The following MGAT4C variants were observed in gnomAD, a reference collection of about 807,000 sequenced individuals.
The protein encoded by MGAT4C is MGAT4 family member C.
A neutral mutation model predicts 40.1 loss-of-function variants in MGAT4C; 19 were observed. The observed-to-expected ratio is 0.47, with a 90% CI of 0.33 to 0.70. MGAT4C has a LOEUF of 0.70. MGAT4C is among the 30% of genes least tolerant of loss of function. The probability of loss-of-function intolerance (pLI) is 0.02; values close to 1 mark genes in which losing one functional copy is unlikely to be tolerated. For missense variants in MGAT4C, 491 were observed against 563.2 expected (o/e 0.87, Z 1.30); for synonymous variants, 181 against 187.1 (o/e 0.97, Z 0.27).
At chr12:86,307,763 C>G (rs1953974331) in intron 4 of MGAT4C, among the ~76,000 whole-genome samples, 1 of 150,044 alleles carries the variant, frequency 6.7e-6, no homozygotes, top group Admixed American at 6.6e-5. Flanking sequence ...AGTGCAGTGG[C>G]GCGATCTCGG....
At chr12:86,329,949 T>C (rs1208683065) in intron 4 of MGAT4C, among the ~76,000 whole-genome samples, 1 of 152,198 alleles carries the variant, frequency 6.6e-6, no homozygotes, top group Non-Finnish European at 1.5e-5. Context: ...TGTGTTTCTT[T>C]AAACTATTTC....
chr12:85,985,596 C>T (rs547704379), intron 3 of MGAT4C, among the ~76,000 whole-genome samples: 26 of 151,962 alleles, frequency 1.7e-4, no homozygotes, highest in Non-Finnish European at 3.1e-4. Context: ...GTGGCTTTTA[C>T]ACAATGCCAT....
rs1021530760 is a variant in MGAT4C at position 86,302,451 on chromosome 12, C to T, written c.-57+31614G>A. ...GTTTGGTTTGGTTTGGTTTTCGAGA[C>T]GGAGTCTCATTCTGTTGCCCATGCT... On this transcript the variant is annotated intron_variant, in intron 4 of 7. Coordinates refer to the MGAT4C transcript ENST00000548651. Among the ~76,000 whole-genome samples the T allele has an allele frequency of 3.3e-5, 5 of 150,382 alleles. 1 individual carries two copies. The highest frequency in any genetic ancestry group is 7.5e-5 in the African/African-American group (3 of 39,888).
intron 1 of MGAT4C, among the ~76,000 whole-genome samples, chr12:86,115,868 AATTG>A (rs2135664170): frequency 6.6e-6 from 1 of 152,198 alleles, no homozygotes. Context: ...CAACATCCTG[AATTG>A]ATTAAGGTCC....
intron 4 of MGAT4C, among the ~76,000 whole-genome samples, chr12:86,281,033 T>A (rs1230032157): frequency 1.3e-5 from 2 of 152,052 alleles, no homozygotes; most frequent in Non-Finnish European, 2.9e-5. Flanking sequence ...ATTTATATTT[T>A]GCTTGTCTTG....
At chr12:85,982,125 T>G (rs1187462211) in intron 4 of MGAT4C, among the ~76,000 whole-genome samples, 2 of 152,206 alleles carry the variant, frequency 1.3e-5, no homozygotes. Flanking sequence ...CTTCACATAA[T>G]TTATTAAGAT....
chr12:85,999,593 A>G (rs1464402884), intron 2 of MGAT4C, among the ~76,000 whole-genome samples: 58 of 148,888 alleles, frequency 3.9e-4, no homozygotes, highest in African/African-American at 1.3e-3. Flanking sequence ...GTATATATAT[A>G]TATATATATA....
intron 1 of MGAT4C, among the ~76,000 whole-genome samples, chr12:86,768,438 C>G (rs553905537): frequency 0.011 from 1,605 of 152,108 alleles, 21 homozygotes; most frequent in Non-Finnish European, 0.015. Flanking sequence ...AATGGCCATA[C>G]TACCCAAGGT....
intron 2 of MGAT4C, among the ~76,000 whole-genome samples, chr12:86,493,792 TATA>T: frequency 6.6e-6 from 1 of 152,064 alleles, no homozygotes; most frequent in South Asian, 2.1e-4. Context: ...AAACTTGAAG[TATA>T]ATAATAATAA....
chr12:86,331,809 G>T (rs1251802239), intron 4 of MGAT4C, among the ~76,000 whole-genome samples: 4 of 152,054 alleles, frequency 2.6e-5, no homozygotes, highest in Admixed American at 2.6e-4. Flanking sequence ...TATAATCTGA[G>T]CAGCAAATGT....
chr12:86,066,172 G>A (rs58316959), intron 1 of MGAT4C, among the ~76,000 whole-genome samples: 281 of 152,100 alleles, frequency 1.8e-3, no homozygotes, highest in African/African-American at 6.5e-3. Context: ...CCCCATCAAG[G>A]TACCACTGAT....
chr12:86,041,072 C>T (rs923339148), intron 2 of MGAT4C, among the ~76,000 whole-genome samples: 2 of 152,090 alleles, frequency 1.3e-5, no homozygotes, highest in South Asian at 2.1e-4. Flanking sequence ...CTGACATCAC[C>T]CACCTTCTGC....
chr12:86,391,673 A>C (rs960741489), intron 3 of MGAT4C, among the ~76,000 whole-genome samples: 1 of 152,110 alleles, frequency 6.6e-6, no homozygotes, highest in Non-Finnish European at 1.5e-5. Flanking sequence ...CCTGACTAAC[A>C]TGGTGAAACC....
chr12:86,233,513 G>A (rs1320057352), intron 1 of MGAT4C, among the ~76,000 whole-genome samples: 7 of 152,282 alleles, frequency 4.6e-5, no homozygotes, highest in Middle Eastern at 3.4e-3. Flanking sequence ...TGAGTTACTA[G>A]GTTTCACAGT....
chr12:86,339,289 C>T lies in MGAT4C; in HGVS notation c.-119-5162G>A, dbSNP rs73385302. On this transcript the variant is annotated intron_variant, in intron 3 of 7. Transcript: ENST00000548651. ...GAAATAGAGTAGTTTTAAGAGCAGG[C>T]AATGCTCATATAGGGCTACTATTAT... Among the ~76,000 whole-genome samples, 507 of 152,104 alleles carry T rather than the reference C, an allele frequency of 3.3e-3. 3 individuals carry two copies. Among genetic ancestry groups the T allele is most frequent in the African/African-American group, 0.012 (494 of 41,472 alleles).
At chr12:86,448,243 T>C (rs1472302050) in intron 2 of MGAT4C, among the ~76,000 whole-genome samples, 1 of 152,166 alleles carries the variant, frequency 6.6e-6, no homozygotes, top group Non-Finnish European at 1.5e-5. Flanking sequence ...ACACTTTTTA[T>C]TGGAATCCTT....
intron 4 of MGAT4C, among the ~76,000 whole-genome samples, chr12:86,310,393 G>T (rs1954042011): frequency 6.6e-6 from 1 of 152,170 alleles, no homozygotes; most frequent in South Asian, 2.1e-4. Flanking sequence ...TGGCAAACCA[G>T]CATTCATACT....
At chr12:86,408,280 C>G (rs1049092394) in intron 3 of MGAT4C, among the ~76,000 whole-genome samples, 2 of 151,762 alleles carry the variant, frequency 1.3e-5, no homozygotes, top group Non-Finnish European at 2.9e-5. Context: ...CAATCACTCA[C>G]AGTACATTTA....
chr12:86,642,687 G>C (rs1364902574), intron 2 of MGAT4C, among the ~76,000 whole-genome samples: 1 of 151,392 alleles, frequency 6.6e-6, no homozygotes, highest in Non-Finnish European at 1.5e-5. Context: ...TCACCTGTAA[G>C]GTTTTGTCTT....
Sources: allele counts gnomAD v4.1 joint callset (sites outside exome capture counted in the v4.1 genomes callset), GRCh38; gene constraint gnomAD v4.1.1; transcripts MANE v1.5; gene names NCBI Gene and HGNC (gene_info 2026-07-23, HGNC 2026-07-21).